JAKMIP2: variants seen among roughly 807,000 people sequenced by gnomAD.
JAKMIP2 encodes the protein janus kinase and microtubule interacting protein 2.
In JAKMIP2, 25 loss-of-function variants were observed where a neutral mutation model predicts 115.0. That is an observed-to-expected ratio of 0.22 (90% CI 0.16 to 0.30). The LOEUF is 0.30. Ranked by LOEUF, JAKMIP2 falls within the 10% of genes least tolerant of loss-of-function variation. JAKMIP2 has a pLI of 1.00. For synonymous variants in JAKMIP2, 334 were observed against 343.6 expected (o/e 0.97, Z 0.31); for missense variants, 642 against 957.6 (o/e 0.67, Z 4.35).
chr5:147,632,831 T>C (rs534481259), intron 12 of JAKMIP2, 53 bp from the exon 13 acceptor site: 1 of 1,151,462 alleles, frequency 8.7e-7, no homozygotes, highest in Non-Finnish European at 1.3e-6. Flanking sequence ...CACCTACAAC[T>C]TTGCAAAGCA....
At chr5:147,757,683 ATGCG>A (rs1754795640) in intron 1 of JAKMIP2, among the ~76,000 whole-genome samples, 1 of 152,074 alleles carries the variant, frequency 6.6e-6, no homozygotes, top group African/African-American at 2.4e-5. Context: ...AAATGAGATA[ATGCG>A]TGTGGACATT....
At chr5:147,716,707 G>T (rs1753017013) in intron 1 of JAKMIP2, among the ~76,000 whole-genome samples, 1 of 149,028 alleles carries the variant, frequency 6.7e-6, no homozygotes, top group African/African-American at 2.5e-5. Context: ...TTTTTTTCTT[G>T]TAAATTTGTT....
intron 1 of JAKMIP2, among the ~76,000 whole-genome samples, chr5:147,692,727 T>G (rs749683456): frequency 8.5e-5 from 13 of 152,206 alleles, no homozygotes; most frequent in Non-Finnish European, 2.9e-5. Flanking sequence ...ACTTGTAATT[T>G]TGACCTGGGG....
chr5:147,738,049 G>A (rs1753990510), intron 1 of JAKMIP2, among the ~76,000 whole-genome samples: 1 of 152,028 alleles, frequency 6.6e-6, no homozygotes, highest in Admixed American at 6.5e-5. Context: ...CAGCTCAACT[G>A]TGAGCACACG....
chr5:147,733,829 G>A (rs879061599), intron 1 of JAKMIP2, among the ~76,000 whole-genome samples: 1 of 152,180 alleles, frequency 6.6e-6, no homozygotes, highest in African/African-American at 2.4e-5. Flanking sequence ...ATTCCATGGT[G>A]TATATGTGCC....
chr5:147,749,015 G>A (rs1327899790), intron 1 of JAKMIP2, among the ~76,000 whole-genome samples: 1 of 152,098 alleles, frequency 6.6e-6, no homozygotes, highest in Non-Finnish European at 1.5e-5. Context: ...AACGAACCTC[G>A]GTTATTACCT....
At chr5:147,766,777 G>A (rs879941346) in intron 1 of JAKMIP2, among the ~76,000 whole-genome samples, 55 of 152,154 alleles carry the variant, frequency 3.6e-4, no homozygotes, top group Admixed American at 9.8e-4. Flanking sequence ...CACACATATG[G>A]GTAAGCTGGC....
chr5:147,679,349 AC>A (rs1760140673), intron 1 of JAKMIP2, among the ~76,000 whole-genome samples: 2 of 152,322 alleles, frequency 1.3e-5, no homozygotes, highest in African/African-American at 4.8e-5. Context: ...AAATGTAGCC[AC>A]GTGGTCAAGA....
At chr5:147,704,356 C>T (rs1325242948) in intron 1 of JAKMIP2, among the ~76,000 whole-genome samples, 1 of 152,172 alleles carries the variant, frequency 6.6e-6, no homozygotes, top group African/African-American at 2.4e-5. Flanking sequence ...ACTGCTACAA[C>T]GTCACTAAGC....
At chr5:147,707,851 T>C (rs1228929064) in intron 1 of JAKMIP2, among the ~76,000 whole-genome samples, 2 of 152,150 alleles carry the variant, frequency 1.3e-5, no homozygotes, top group African/African-American at 2.4e-5. Context: ...GGAGGAGTCA[T>C]GATTTGAACC....
chr5:147,632,230 C>T (rs1005368451), intron 13 of JAKMIP2, among the ~76,000 whole-genome samples: 1 of 151,984 alleles, frequency 6.6e-6, no homozygotes, highest in African/African-American at 2.4e-5. Flanking sequence ...AAAACGTTTA[C>T]TTATAAATTC....
At chr5:147,636,586 T>G (rs1053791100) in intron 11 of JAKMIP2, among the ~76,000 whole-genome samples, 2 of 152,170 alleles carry the variant, frequency 1.3e-5, no homozygotes, top group African/African-American at 4.8e-5. Flanking sequence ...AGGGTCAGAA[T>G]GCACACAGGC....
chr5:147,661,310 TCA>T lies in JAKMIP2; in HGVS notation c.263_264del (p.Val88GlufsTer20). ...HEEKMKELQAVRENLIKQHEQ... is the reference protein window; with the variant it reads ...HEEKMKELQAXRENLIKQHEQ... ...TCGTGCTGCTTGATAAGGTTCTCCC[TCA>T]CAGCCTGCAGCTCCTTCATCTTCTC... On this transcript the variant is annotated frameshift_variant, in exon 3 of 22. Coordinates refer to ENST00000616793, the MANE Select transcript of JAKMIP2 (RefSeq NM_001270941.2). LOFTEE classifies it high-confidence loss of function. 1 of 1,613,992 alleles carries T rather than the reference TCA, an allele frequency of 6.2e-7. No individual in the cohort carries two copies. Among genetic ancestry groups the T allele is most frequent in the South Asian group, 1.1e-5 (1 of 91,066 alleles).
intron 19 of JAKMIP2, among the ~76,000 whole-genome samples, chr5:147,614,442 C>T (rs1304828074): frequency 6.6e-6 from 1 of 152,170 alleles, no homozygotes; most frequent in African/African-American, 2.4e-5. Flanking sequence ...TGCCATCCAC[C>T]CAACAGAAAA....
chr5:147,623,391 C>T (rs1048654922), intron 17 of JAKMIP2, among the ~76,000 whole-genome samples: 1 of 152,000 alleles, frequency 6.6e-6, no homozygotes, highest in African/African-American at 2.4e-5. Context: ...CAATTTTCTT[C>T]GGCATTAGTT....
intron 4 of JAKMIP2, among the ~76,000 whole-genome samples, chr5:147,649,055 C>A (rs536652555): frequency 7.9e-5 from 12 of 152,278 alleles, no homozygotes; most frequent in Middle Eastern, 3.4e-3. Context: ...ATGCAACTGG[C>A]TTCTCCACTG....
intron 1 of JAKMIP2, among the ~76,000 whole-genome samples, chr5:147,685,879 T>C (rs1473205046): frequency 6.6e-6 from 1 of 152,204 alleles, no homozygotes; most frequent in African/African-American, 2.4e-5. Flanking sequence ...GTTTCTATAA[T>C]TGTATAGCTT....
intron 1 of JAKMIP2, among the ~76,000 whole-genome samples, chr5:147,767,394 A>G (rs1474805566): frequency 1.3e-5 from 2 of 152,184 alleles, no homozygotes; most frequent in Non-Finnish European, 2.9e-5. Context: ...ACTTAAAGGA[A>G]AATAAACAGT....
At chr5:147,606,863 A>G (rs1272579287) in intron 20 of JAKMIP2, among the ~76,000 whole-genome samples, 1 of 152,128 alleles carries the variant, frequency 6.6e-6, no homozygotes, top group Non-Finnish European at 1.5e-5. Context: ...TGCCTTGAGT[A>G]GTGGATTTTA....
Sources: gnomAD v4.1 joint callset for allele counts (sites outside exome capture counted in the v4.1 genomes callset) on GRCh38, gnomAD v4.1.1 for gene constraint, MANE v1.5 for transcripts, NCBI Gene and HGNC (gene_info 2026-07-23, HGNC 2026-07-21) for gene names.